Variants in LPP observed in about 807,000 individuals in gnomAD.
LPP encodes lipoma-preferred partner.
LPP carries 38 observed loss-of-function variants against 60.4 expected under a neutral mutation model. The observed-to-expected ratio is 0.63, with a 90% CI of 0.49 to 0.83. The LOEUF (loss-of-function observed/expected upper bound fraction) is 0.83, where lower values mean the gene tolerates loss of function less well. Ranked by LOEUF, LPP falls within the 40% of genes least tolerant of loss-of-function variation. The probability of loss-of-function intolerance (pLI) is 0.00; values close to 1 mark genes in which losing one functional copy is unlikely to be tolerated. For missense variants in LPP, 902 were observed against 783.6 expected (o/e 1.15, Z -1.80); for synonymous variants, 328 against 290.8 (o/e 1.13, Z -1.30).
chr3:188,724,432 G>T lies in LPP; in HGVS notation c.1240+16039G>T, dbSNP rs374507564. 9.2e-5 allele frequency among the ~76,000 whole-genome samples: 14 copies of T among 152,194 alleles called. 1 individual carries two copies. The highest frequency in any genetic ancestry group is 3.9e-4 in the East Asian group (2 of 5,168). ...TTGGGGGATGTTTTTAGTATGATTT[G>T]ATTTTCTCTGATTGAAAGCTCTCAC... is the stretch of plus-strand genomic sequence containing the variant. On this transcript the variant is annotated intron_variant, in intron 8 of 11. Coordinates refer to ENST00000617246, the MANE Select transcript of LPP (RefSeq NM_001375462.1).
chr3:188,841,795 T>C (rs1355688303), intron 9 of LPP, among the ~76,000 whole-genome samples: 1 of 152,224 alleles, frequency 6.6e-6, no homozygotes, highest in Non-Finnish European at 1.5e-5. Flanking sequence ...TATTTTATTC[T>C]CTTTGTAGCA....
chr3:188,505,915 T>C (rs1380205169), intron 5 of LPP, among the ~76,000 whole-genome samples: 3 of 152,194 alleles, frequency 2.0e-5, no homozygotes, highest in Non-Finnish European at 4.4e-5. Flanking sequence ...TTTTTCAGAG[T>C]ACTCTATGAC....
At chr3:188,583,307 A>G (rs1489221271) in intron 6 of LPP, among the ~76,000 whole-genome samples, 1 of 152,170 alleles carries the variant, frequency 6.6e-6, no homozygotes, top group Non-Finnish European at 1.5e-5. Flanking sequence ...ACCATGCTAT[A>G]GTCACACACT....
rs116479766 is a variant in LPP at position 188,820,674 on chromosome 3, G to A, written c.1411-45526G>A. On this transcript the variant is annotated intron_variant, in intron 9 of 11. Coordinates refer to ENST00000617246, the MANE Select transcript of LPP (RefSeq NM_001375462.1). The stretch of plus-strand genomic sequence containing the variant: ...GTGCTTAACTGAGAAATTAACTTCT[G>A]TGTTACAGATAAATGGAAGTTAGAT... Among the ~76,000 whole-genome samples, 338 of 152,130 alleles carry A rather than the reference G, an allele frequency of 2.2e-3. 2 individuals carry two copies. Among genetic ancestry groups the A allele is most frequent in the African/African-American group, 7.9e-3 (328 of 41,492 alleles).
chr3:188,657,020 G>A (rs1853369381), intron 7 of LPP, among the ~76,000 whole-genome samples: 1 of 151,934 alleles, frequency 6.6e-6, no homozygotes, highest in Non-Finnish European at 1.5e-5. Flanking sequence ...CTCCTTTGAA[G>A]ATAATATTTG....
At chr3:188,562,325 C>T (rs1328271587) in intron 6 of LPP, 1 of 152,002 alleles carries the variant, frequency 6.6e-6, no homozygotes, top group African/African-American at 2.4e-5. Context: ...TCCTGCAGGA[C>T]GTGACTTTTG....
intron 4 of LPP, among the ~76,000 whole-genome samples, chr3:188,479,597 T>C (rs1350328176): frequency 1.3e-5 from 2 of 152,302 alleles, no homozygotes; most frequent in South Asian, 2.1e-4. Flanking sequence ...TGACTAGAGA[T>C]GGGCATATAA....
intron 4 of LPP, among the ~76,000 whole-genome samples, chr3:188,464,164 A>T (rs562012940): frequency 2.0e-5 from 3 of 152,282 alleles, no homozygotes; most frequent in Admixed American, 6.5e-5. Flanking sequence ...GTTATTTGTT[A>T]TTGAAATCTT....
At chr3:188,161,308 A>G (rs1029849501) in intron 1 of LPP, among the ~76,000 whole-genome samples, 1 of 152,228 alleles carries the variant, frequency 6.6e-6, no homozygotes, top group Non-Finnish European at 1.5e-5. Flanking sequence ...ATTCCAGGAC[A>G]GGAGAAATGG....
At chr3:188,704,085 A>G (rs1865003774) in intron 7 of LPP, among the ~76,000 whole-genome samples, 2 of 152,110 alleles carry the variant, frequency 1.3e-5, no homozygotes, top group African/African-American at 4.8e-5. Flanking sequence ...ATACTTTTCT[A>G]GCACTCTCTG....
intron 8 of LPP, chr3:188,746,494 G>T (rs1403028113): frequency 2.1e-6 from 1 of 485,754 alleles, no homozygotes; most frequent in Non-Finnish European, 4.1e-6. Flanking sequence ...ACAGAATGCT[G>T]ATAATGCCAA....
chr3:188,867,502 C>A (rs913053508), intron 10 of LPP, among the ~76,000 whole-genome samples: 1 of 151,966 alleles, frequency 6.6e-6, no homozygotes, highest in African/African-American at 2.4e-5. Context: ...CACCACCATG[C>A]CCAGCTAATG....
chr3:188,846,086 A>T (rs891039468), intron 9 of LPP, among the ~76,000 whole-genome samples: 4 of 152,212 alleles, frequency 2.6e-5, no homozygotes, highest in Non-Finnish European at 4.4e-5. Context: ...GTTTGTGCAG[A>T]CACTGTGCTA....
At chr3:188,412,271 G>A (rs1785093480) in intron 4 of LPP, among the ~76,000 whole-genome samples, 1 of 152,058 alleles carries the variant, frequency 6.6e-6, no homozygotes, top group Admixed American at 6.6e-5. Flanking sequence ...TATACAAGAG[G>A]AGACATTTTC....
intron 3 of LPP, among the ~76,000 whole-genome samples, chr3:188,389,713 T>G (rs1230304576): frequency 7.3e-6 from 1 of 137,034 alleles, no homozygotes; most frequent in Non-Finnish European, 1.5e-5. Context: ...GAGGCAGAGG[T>G]TGCAGTGAGC....
rs949713959 is a variant in LPP, at chr3:188,282,202, G to C, written c.-67+56675G>C. Among the ~76,000 whole-genome samples the C allele has an allele frequency of 2.1e-4, 31 of 146,002 alleles. 1 individual carries two copies. The highest frequency in any genetic ancestry group is 7.5e-4 in the African/African-American group (30 of 40,154). Reference sequence around the variant, plus strand: ...TAGTCTCTTGTCTTTAGCTTAATATGGGGCTCAGTGGCCAGGCGTTTACAT... The same window carrying C: ...TAGTCTCTTGTCTTTAGCTTAATATCGGGCTCAGTGGCCAGGCGTTTACAT... On this transcript the variant is annotated intron_variant, in intron 2 of 11. Coordinates refer to ENST00000617246, the MANE Select transcript of LPP (RefSeq NM_001375462.1).
At position 188,407,915 on chromosome 3, in the gene LPP, G is replaced by A. The variant is rs551273064; in HGVS notation, c.193+1602G>A. 1.0e-3 allele frequency among the ~76,000 whole-genome samples: 151 copies of A among 150,264 alleles called. 1 individual carries two copies. The highest frequency in any genetic ancestry group is 3.2e-3 in the Admixed American group (48 of 15,026). On this transcript the variant is annotated intron_variant, in intron 4 of 11. Transcript: ENST00000617246. The stretch of plus-strand genomic sequence containing the variant: ...AAGTGATTCTCAGCCTCAGCCTCCC[G>A]TATAGCTGGATTACAGGCATGCACT...
At chr3:188,462,596 G>A (rs1339267408) in intron 4 of LPP, among the ~76,000 whole-genome samples, 799 of 40,460 alleles carry the variant, frequency 0.02, 24 homozygotes, top group Non-Finnish European at 0.028. Context: ...GCATGTGTGT[G>A]TGTGTGTGTG....
chr3:188,602,241 G>C (rs1434528175), intron 6 of LPP, among the ~76,000 whole-genome samples: 1 of 139,502 alleles, frequency 7.2e-6, no homozygotes, highest in African/African-American at 2.7e-5. Flanking sequence ...CATCTATCAA[G>C]TGGATAGTGT....
Sources: allele counts gnomAD v4.1 joint callset (sites outside exome capture counted in the v4.1 genomes callset), GRCh38; gene constraint gnomAD v4.1.1; transcripts MANE v1.5; gene names NCBI Gene and HGNC (gene_info 2026-07-23, HGNC 2026-07-21).